KAZN: variants seen among roughly 807,000 people sequenced by gnomAD.
KAZN encodes the protein kazrin.
Under a neutral mutation model 87.4 loss-of-function variants are expected in KAZN, and 40 were observed. The ratio of observed to expected loss-of-function variants is 0.46; its 90% CI spans 0.36 to 0.60. The LOEUF (loss-of-function observed/expected upper bound fraction) is 0.60. Ranked by LOEUF, KAZN falls within the 20% of genes least tolerant of loss-of-function variation. The probability of loss-of-function intolerance (pLI) is 0.00; values close to 1 mark genes in which losing one functional copy is unlikely to be tolerated. For synonymous variants in KAZN, 466 were observed against 458.3 expected (o/e 1.02, Z -0.22); for missense variants, 898 against 1,073.9 (o/e 0.84, Z 2.29).
intron 2 of KAZN, among the ~76,000 whole-genome samples, chr1:14,568,459 T>C (rs1309178356): frequency 6.6e-6 from 1 of 152,130 alleles, no homozygotes; most frequent in Non-Finnish European, 1.5e-5. Context: ...TTCACAATCA[T>C]GGTGGAAGGT....
intron 1 of KAZN, among the ~76,000 whole-genome samples, chr1:14,727,484 TTTTTTTTTTTTTG>T (rs1643452033): frequency 5.3e-5 from 4 of 76,064 alleles, no homozygotes; most frequent in South Asian, 5.8e-4. Flanking sequence ...TTTTTTTTTT[TTTTTTTTTTTTTG>T]AGAAAGAGTT....
intron 1 of KAZN, among the ~76,000 whole-genome samples, chr1:14,956,498 CAGG>C (rs1282221274): frequency 6.6e-5 from 10 of 151,460 alleles, no homozygotes; most frequent in Non-Finnish European, 5.9e-5. Flanking sequence ...CCCAGCTACT[CAGG>C]AGGCTGAGGC....
chr1:14,181,390 TTGG>T (rs1378590762), intron 2 of KAZN, among the ~76,000 whole-genome samples: 3 of 152,210 alleles, frequency 2.0e-5, no homozygotes, highest in Non-Finnish European at 4.4e-5. Context: ...GTCAGAATGG[TTGG>T]TGGTTTCTTT....
At chr1:14,893,962 G>C (rs952731991) in intron 1 of KAZN, among the ~76,000 whole-genome samples, 7 of 152,166 alleles carry the variant, frequency 4.6e-5, no homozygotes, top group Admixed American at 1.3e-4. Context: ...TCCAGACCCA[G>C]CTACAAAGGG....
intron 2 of KAZN, among the ~76,000 whole-genome samples, chr1:14,320,785 G>T (rs1235159506): frequency 1.3e-5 from 2 of 152,114 alleles, no homozygotes; most frequent in Non-Finnish European, 2.9e-5. Context: ...GAATCCTGAA[G>T]CTTCCAGCTA....
chr1:15,012,108 T>A (rs1016704118), intron 2 of KAZN, among the ~76,000 whole-genome samples: 2 of 152,144 alleles, frequency 1.3e-5, no homozygotes, highest in African/African-American at 4.8e-5. Flanking sequence ...TAGGAGCTGC[T>A]ACCATTCCTC....
chr1:14,466,973 A>C (rs1273998755), intron 2 of KAZN, among the ~76,000 whole-genome samples: 1 of 152,244 alleles, frequency 6.6e-6, no homozygotes, highest in Admixed American at 6.5e-5. Context: ...TGTCTCAAAA[A>C]AAAATTAATT....
chr1:14,998,231 A>C (rs1400501179), intron 2 of KAZN, among the ~76,000 whole-genome samples: 1 of 152,146 alleles, frequency 6.6e-6, no homozygotes, highest in African/African-American at 2.4e-5. Flanking sequence ...TTGTGGCTAA[A>C]AGATGCTCCA....
intron 1 of KAZN, among the ~76,000 whole-genome samples, chr1:13,953,755 AT>A (rs1424301754): frequency 6.6e-6 from 1 of 152,090 alleles, no homozygotes; most frequent in Non-Finnish European, 1.5e-5. Context: ...TGTTTTTTAC[AT>A]TCTAATCATT....
intron 1 of KAZN, among the ~76,000 whole-genome samples, chr1:14,696,103 C>T (rs1048731087): frequency 6.6e-6 from 1 of 152,136 alleles, no homozygotes; most frequent in African/African-American, 2.4e-5. Flanking sequence ...GAACCTGAGA[C>T]CCCCAGAGGA....
At chr1:14,838,934 C>A (rs1647611548) in intron 1 of KAZN, among the ~76,000 whole-genome samples, 1 of 152,152 alleles carries the variant, frequency 6.6e-6, no homozygotes, top group Non-Finnish European at 1.5e-5. Flanking sequence ...GATTCTTAAA[C>A]CTACTCCAGG....
At position 14,996,529 on chromosome 1, in the gene KAZN, C is replaced by T. The variant is rs1401308828; in HGVS notation, c.418+35654C>T. Among the ~76,000 whole-genome samples, 2 of 152,280 alleles carry T rather than the reference C, an allele frequency of 1.3e-5. No individual in the cohort carries two copies. Among genetic ancestry groups the T allele is most frequent in the South Asian group, 4.1e-4 (2 of 4,820 alleles). Reference sequence around the variant, plus strand: ...TGAGAAAGCTGCCAAATTCCCCCACCTTGTTCTCCAAGGAGGTCCCCTGAC... The same window carrying T: ...TGAGAAAGCTGCCAAATTCCCCCACTTTGTTCTCCAAGGAGGTCCCCTGAC... On this transcript the variant is annotated intron_variant, in intron 2 of 14. Coordinates refer to ENST00000376030, the MANE Select transcript of KAZN (RefSeq NM_201628.3). This position sits in a 1 kb window ranked among gnomAD's most constrained non-coding sequence, Gnocchi z 5.9.
chr1:14,852,179 C>A (rs1395815429), intron 1 of KAZN, among the ~76,000 whole-genome samples: 3 of 152,214 alleles, frequency 2.0e-5, no homozygotes, highest in Non-Finnish European at 4.4e-5. Flanking sequence ...TACCATCTCC[C>A]TCCACCTTGG....
intron 1 of KAZN, among the ~76,000 whole-genome samples, chr1:14,703,701 G>A (rs1267786346): frequency 1.3e-5 from 2 of 152,142 alleles, no homozygotes; most frequent in South Asian, 4.2e-4. Flanking sequence ...CACATAGTGA[G>A]ACTCTGTCTC....
intron 1 of KAZN, chr1:14,946,057 G>A (rs1439473911): frequency 3.1e-6 from 1 of 326,280 alleles, no homozygotes; most frequent in Admixed American, 6.5e-5. Flanking sequence ...CTCCACACAA[G>A]GACAGGGAAG....
chr1:14,068,499 A>G (rs1197093547), intron 1 of KAZN, among the ~76,000 whole-genome samples: 1 of 152,148 alleles, frequency 6.6e-6, no homozygotes, highest in African/African-American at 2.4e-5. Flanking sequence ...GGCCAGGGAT[A>G]TGCATTAAAA....
chr1:13,936,096 G>GTTTT (rs70984301), intron 1 of KAZN, among the ~76,000 whole-genome samples: 18 of 84,846 alleles, frequency 2.1e-4, no homozygotes, highest in African/African-American at 4.7e-4. Context: ...TACAAGTGCA[G>GTTTT]TTTTTTTTTT....
intron 1 of KAZN, among the ~76,000 whole-genome samples, chr1:14,162,557 T>C (rs1171593919): frequency 7.0e-6 from 1 of 143,170 alleles, no homozygotes; most frequent in African/African-American, 3.0e-5. Context: ...CTTTTTTTTT[T>C]TTTTTGAGAC....
chr1:13,950,826 G>A (rs1641318120), intron 1 of KAZN, among the ~76,000 whole-genome samples: 1 of 152,182 alleles, frequency 6.6e-6, no homozygotes, highest in Non-Finnish European at 1.5e-5. Context: ...CAAGGATGCA[G>A]TTCCCACTGG....
Sources: allele counts gnomAD v4.1 joint callset (sites outside exome capture counted in the v4.1 genomes callset), GRCh38; gene constraint gnomAD v4.1.1; non-coding constraint Gnocchi (gnomAD v3.1); transcripts MANE v1.5; gene names NCBI Gene and HGNC (gene_info 2026-07-23, HGNC 2026-07-21).